Variants in WWC1 observed in about 807,000 individuals in gnomAD.
WWC1 encodes protein KIBRA.
In WWC1, 55 loss-of-function variants were observed where a neutral mutation model predicts 138.4. The observed-to-expected ratio is 0.40, with a 90% CI of 0.32 to 0.50. The LOEUF (loss-of-function observed/expected upper bound fraction) is 0.50. Among genes scored for constraint, WWC1 ranks in the 20% least tolerant of loss-of-function variants. WWC1 has a pLI of 0.72. For missense variants in WWC1, 1,226 were observed against 1,420.4 expected (o/e 0.86, Z 2.20); for synonymous variants, 524 against 564.9 (o/e 0.93, Z 1.03).
chr5:168,441,636 TC>T lies in WWC1; in HGVS notation c.2281-39del, dbSNP rs144361392. 18 of 1,591,746 alleles carry T rather than the reference TC, an allele frequency of 1.1e-5. No homozygotes were observed. The Admixed American group carries it at 1.4e-4, about 12-fold the overall frequency. ...GAACCAAATTCCCTGACACCTGGTG[TC>T]CCCCCCACCGCCACTTATGTTCTCC... On this transcript the variant is annotated intron_variant, in intron 15 of 22. Coordinates refer to ENST00000265293, the MANE Select transcript of WWC1 (RefSeq NM_015238.3).
chr5:168,388,472 A>T (rs1385598355), intron 3 of WWC1, among the ~76,000 whole-genome samples: 1 of 152,170 alleles, frequency 6.6e-6, no homozygotes, highest in Non-Finnish European at 1.5e-5. Flanking sequence ...ATGAAGATGC[A>T]TGTGGCAACA....
At chr5:168,347,206 C>T (rs1212434990) in intron 1 of WWC1, among the ~76,000 whole-genome samples, 1 of 152,168 alleles carries the variant, frequency 6.6e-6, no homozygotes, top group African/African-American at 2.4e-5. Flanking sequence ...GTTCAGTTGC[C>T]CTGACTGTAG....
At position 168,455,519 on chromosome 5, in the gene WWC1, G is replaced by A. The variant is rs780161974; in HGVS notation, c.2822G>A (p.Arg941Gln). ...SPGPQSQYVC[R>Q]LNRSDSDSST... ...GGACCCCAGAGCCAGTACGTGTGCC[G>A]GGTAAGTGAGCGTGCGGCCCTCTTC... Residue 941 changes from arginine to glutamine, a missense_variant and splice_region_variant, in exon 19 of 23, where the codon CGG (arginine) becomes CAG (glutamine). Coordinates refer to ENST00000265293, the MANE Select transcript of WWC1 (RefSeq NM_015238.3). 5.0e-6 allele frequency: 8 copies of A among 1,612,274 alleles called. No homozygotes were observed. The highest frequency in any genetic ancestry group is 4.5e-5 in the East Asian group (2 of 44,790).
chr5:168,347,845 A>C (rs974935112), intron 1 of WWC1, among the ~76,000 whole-genome samples: 4 of 152,204 alleles, frequency 2.6e-5, no homozygotes, highest in Non-Finnish European at 5.9e-5. Context: ...TGCTCTAAAC[A>C]GTCCTGATCG....
At chr5:168,302,254 T>C (rs1465006258) in intron 1 of WWC1, among the ~76,000 whole-genome samples, 2 of 152,180 alleles carry the variant, frequency 1.3e-5, no homozygotes, top group Non-Finnish European at 1.5e-5. Context: ...AGGAAGGGCA[T>C]TGGCATTTAT....
intron 1 of WWC1, among the ~76,000 whole-genome samples, chr5:168,367,915 A>G (rs1776438339): frequency 6.6e-6 from 1 of 150,958 alleles, no homozygotes; most frequent in South Asian, 2.1e-4. Flanking sequence ...CTATATTCAG[A>G]TAGCGTTTCA....
At chr5:168,299,708 A>G (rs1182536618) in intron 1 of WWC1, among the ~76,000 whole-genome samples, 1 of 152,220 alleles carries the variant, frequency 6.6e-6, no homozygotes, top group East Asian at 1.9e-4. Flanking sequence ...GTTACCTGGA[A>G]GGTTGGCACG....
intron 1 of WWC1, among the ~76,000 whole-genome samples, chr5:168,321,956 AG>A (rs1236565844): frequency 6.6e-6 from 1 of 152,186 alleles, no homozygotes; most frequent in Non-Finnish European, 1.5e-5. Flanking sequence ...CTTCTGTTCT[AG>A]GAAGCCTAGA....
At position 168,372,943 on chromosome 5, in the gene WWC1, T is replaced by G. The variant is rs148757387; in HGVS notation, c.229+1410T>G. Among the ~76,000 whole-genome samples the G allele has an allele frequency of 1.6e-3, 247 of 152,372 alleles. 3 individuals carry two copies. The highest frequency in any genetic ancestry group is 6.8e-3 in the Middle Eastern group (2 of 294). On this transcript the variant is annotated intron_variant, in intron 2 of 22. Coordinates refer to ENST00000265293, the MANE Select transcript of WWC1 (RefSeq NM_015238.3). ...AAAAGGGCATACGTGCATGAATGCA[T>G]GAATAAATGGGTGAATGAGTGGACT...
chr5:168,463,125 A>G (rs565336998), intron 20 of WWC1, among the ~76,000 whole-genome samples: 1 of 152,338 alleles, frequency 6.6e-6, no homozygotes, highest in South Asian at 2.1e-4. Flanking sequence ...GCTGCATAAT[A>G]AATCACCACA....
At chr5:168,386,443 A>G (rs1345443027) in intron 3 of WWC1, among the ~76,000 whole-genome samples, 1 of 146,872 alleles carries the variant, frequency 6.8e-6, no homozygotes, top group Non-Finnish European at 1.5e-5. Flanking sequence ...CCCAGGCTGG[A>G]GTGCAGTGGC....
chr5:168,361,427 T>C (rs1475030178), intron 1 of WWC1, among the ~76,000 whole-genome samples: 1 of 152,198 alleles, frequency 6.6e-6, no homozygotes, highest in Non-Finnish European at 1.5e-5. Flanking sequence ...ACCTCGTCTC[T>C]CCATGAATGG....
chr5:168,329,212 G>T (rs1443431231), intron 1 of WWC1, among the ~76,000 whole-genome samples: 1 of 152,172 alleles, frequency 6.6e-6, no homozygotes, highest in Non-Finnish European at 1.5e-5. Context: ...TTTACCCTGA[G>T]CAGGGACCTG....
At chr5:168,414,902 C>A in intron 9 of WWC1, 1 of 308,248 alleles carries the variant, frequency 3.2e-6, no homozygotes, top group Non-Finnish European at 6.0e-6. Context: ...CAGTCATTTT[C>A]CAACTTTTTG....
chr5:168,421,950 A>G (rs1781120632), intron 9 of WWC1, 58 bp from the exon 10 acceptor site: 1 of 1,465,916 alleles, frequency 6.8e-7, no homozygotes, highest in African/African-American at 1.4e-5. Context: ...TACATGGGTA[A>G]GAGTGCATGC....
At chr5:168,340,014 T>TCTC (rs1561631241) in intron 1 of WWC1, among the ~76,000 whole-genome samples, 15 of 39,644 alleles carry the variant, frequency 3.8e-4, no homozygotes, top group East Asian at 1.0e-3. Context: ...TCTTTCTTTC[T>TCTC]TTTCTTTCTT....
intron 16 of WWC1, 46 bp from the exon 17 acceptor site, chr5:168,444,448 G>A (rs1318084869): frequency 3.3e-6 from 5 of 1,517,124 alleles, no homozygotes; most frequent in Non-Finnish European, 3.6e-6. Context: ...CAGGTAGGGT[G>A]GCACCTACAT....
rs146833529 is a variant in WWC1, at chr5:168,466,364, C to T, written c.3150+1402C>T. ...AATTTTTCATTTATGAAAAATAATACCTGCCACTCTGTGATCGCCACCCAC... is the reference window on the plus strand; with the variant it reads ...AATTTTTCATTTATGAAAAATAATATCTGCCACTCTGTGATCGCCACCCAC... On this transcript the variant is annotated intron_variant, in intron 21 of 22. Coordinates refer to ENST00000265293, the MANE Select transcript of WWC1 (RefSeq NM_015238.3). 2.6e-3 allele frequency among the ~76,000 whole-genome samples: 390 copies of T among 152,244 alleles called. 1 individual carries two copies. The highest frequency in any genetic ancestry group is 8.8e-3 in the African/African-American group (364 of 41,532).
At chr5:168,322,619 G>T (rs143376886) in intron 1 of WWC1, among the ~76,000 whole-genome samples, 389 of 152,304 alleles carry the variant, frequency 2.6e-3, no homozygotes, top group African/African-American at 8.5e-3. Flanking sequence ...AATTTTAATA[G>T]AAATAGTGTT....
Sources: gnomAD v4.1 joint callset for allele counts (sites outside exome capture counted in the v4.1 genomes callset) on GRCh38, gnomAD v4.1.1 for gene constraint, MANE v1.5 for transcripts, NCBI Gene and HGNC (gene_info 2026-07-23, HGNC 2026-07-21) for gene names.